The following CDK19 variants were observed in gnomAD, a reference collection of about 807,000 sequenced individuals.
CDK19 encodes cyclin-dependent kinase 19.
Under a neutral mutation model 68.3 loss-of-function variants are expected in CDK19, and 20 were observed. The ratio of observed to expected loss-of-function variants is 0.29; its 90% CI spans 0.21 to 0.43. The LOEUF is 0.43. CDK19 is among the 20% of genes least tolerant of loss of function. CDK19 has a pLI of 1.00. For synonymous variants in CDK19, 221 were observed against 222.8 expected (o/e 0.99, Z 0.07); for missense variants, 339 against 623.5 (o/e 0.54, Z 4.86).
intron 2 of CDK19, among the ~76,000 whole-genome samples, chr6:110,734,025 TTTTG>T (rs1373134014): frequency 8.5e-5 from 13 of 152,210 alleles, no homozygotes; most frequent in African/African-American, 3.1e-4. Context: ...GTTTTTTTGT[TTTTG>T]TTTGTTTTTT....
At chr6:110,662,156 G>A (rs538886858) in intron 4 of CDK19, among the ~76,000 whole-genome samples, 1 of 152,194 alleles carries the variant, frequency 6.6e-6, no homozygotes, top group South Asian at 2.1e-4. Context: ...TTTTAGTAGA[G>A]ATAGGGTTTC....
intron 4 of CDK19, among the ~76,000 whole-genome samples, chr6:110,659,963 A>C (rs1315302380): frequency 6.6e-6 from 1 of 152,214 alleles, no homozygotes. Flanking sequence ...CACTAAATAA[A>C]AAATGACAAT....
intron 2 of CDK19, among the ~76,000 whole-genome samples, chr6:110,682,766 A>G (rs1254540435): frequency 2.0e-5 from 3 of 152,226 alleles, no homozygotes; most frequent in Non-Finnish European, 4.4e-5. Context: ...TACTAGCAGC[A>G]GTTAAGACAT....
intron 2 of CDK19, among the ~76,000 whole-genome samples, chr6:110,744,503 G>T (rs1583005958): frequency 6.6e-6 from 1 of 152,190 alleles, no homozygotes; most frequent in Non-Finnish European, 1.5e-5. Flanking sequence ...CTGCACTCCA[G>T]CCTGGGTGGC....
intron 4 of CDK19, among the ~76,000 whole-genome samples, chr6:110,641,948 C>T (rs1299039841): frequency 6.6e-6 from 1 of 152,156 alleles, no homozygotes; most frequent in Non-Finnish European, 1.5e-5. Flanking sequence ...GTGACAAGAG[C>T]AGTGAATGTT....
rs369106433 is a variant in CDK19, at chr6:110,799,144, TAAAAAA to T, written c.128+15859_128+15864del. On this transcript the variant is annotated intron_variant, in intron 1 of 12. Transcript: ENST00000368911. ...GGTGTTAAGAGTAAAACCCTGTATTTAAAAAAAAAAAAAAAAAAAAAAAAAATTCCT... is the reference window on the plus strand; with the variant it reads ...GGTGTTAAGAGTAAAACCCTGTATTTAAAAAAAAAAAAAAAAAAAATTCCT... Among the ~76,000 whole-genome samples, 251 of 49,136 alleles carry T rather than the reference TAAAAAA, an allele frequency of 5.1e-3. 3 individuals are homozygous for T. Among genetic ancestry groups the T allele is most frequent in the Non-Finnish European group, 5.8e-3 (170 of 29,420 alleles). 32.2% of individuals were successfully genotyped at this position (49,136 alleles called of 152,430 possible).
At chr6:110,783,546 G>A (rs1387918493) in intron 1 of CDK19, among the ~76,000 whole-genome samples, 2 of 151,502 alleles carry the variant, frequency 1.3e-5, no homozygotes, top group East Asian at 3.9e-4. Flanking sequence ...GCTGAGGCAG[G>A]AGAATCGCAT....
chr6:110,751,547 T>C (rs1300502535), intron 1 of CDK19, among the ~76,000 whole-genome samples: 1 of 152,078 alleles, frequency 6.6e-6, no homozygotes, highest in East Asian at 1.9e-4. Flanking sequence ...TACAGTGTAA[T>C]AATAACACAA....
At chr6:110,620,107 G>A (rs1174056071) in intron 12 of CDK19, among the ~76,000 whole-genome samples, 2 of 151,990 alleles carry the variant, frequency 1.3e-5, no homozygotes, top group Non-Finnish European at 2.9e-5. Flanking sequence ...GGAACCAAGT[G>A]GAAGTATTAT....
chr6:110,672,470 G>A (rs1335252477), intron 2 of CDK19, among the ~76,000 whole-genome samples: 1 of 152,064 alleles, frequency 6.6e-6, no homozygotes, highest in African/African-American at 2.4e-5. Flanking sequence ...TTTAAGTCCT[G>A]TGTTAAAAAA....
intron 6 of CDK19, among the ~76,000 whole-genome samples, chr6:110,630,262 T>C (rs1363359921): frequency 6.6e-6 from 1 of 152,222 alleles, no homozygotes; most frequent in Non-Finnish European, 1.5e-5. Flanking sequence ...ACTGTCCTAG[T>C]GTTTGGATTA....
intron 1 of CDK19, among the ~76,000 whole-genome samples, chr6:110,759,566 G>A (rs964584687): frequency 6.7e-6 from 1 of 150,354 alleles, no homozygotes; most frequent in African/African-American, 2.4e-5. Context: ...TCGCACCATT[G>A]CACTCTAGCC....
intron 4 of CDK19, among the ~76,000 whole-genome samples, chr6:110,642,410 A>G (rs955270861): frequency 1.3e-5 from 2 of 152,146 alleles, no homozygotes; most frequent in South Asian, 4.1e-4. Context: ...ATCACAAACT[A>G]AGTAACAGGC....
chr6:110,728,713 C>A (rs1306487341), intron 2 of CDK19, among the ~76,000 whole-genome samples: 1 of 152,194 alleles, frequency 6.6e-6, no homozygotes, highest in Non-Finnish European at 1.5e-5. Context: ...CTCATCACTT[C>A]AGGCACACCA....
chr6:110,799,601 C>CT (rs1782205042), intron 1 of CDK19, among the ~76,000 whole-genome samples: 1 of 150,888 alleles, frequency 6.6e-6, no homozygotes, highest in South Asian at 2.1e-4. Flanking sequence ...GGAGTTTTTT[C>CT]TAATTTTTTT....
intron 4 of CDK19, among the ~76,000 whole-genome samples, chr6:110,655,752 T>G (rs758726948): frequency 2.0e-5 from 3 of 152,140 alleles, no homozygotes; most frequent in Non-Finnish European, 4.4e-5. Flanking sequence ...CCAGCTGACT[T>G]CAACCACCTG....
At chr6:110,766,771 A>T (rs1314575988) in intron 1 of CDK19, among the ~76,000 whole-genome samples, 1 of 151,990 alleles carries the variant, frequency 6.6e-6, no homozygotes, top group Non-Finnish European at 1.5e-5. Context: ...AGGCTAAGGC[A>T]GGAAGACTGC....
At chr6:110,750,394 G>C (rs556970698) in intron 1 of CDK19, among the ~76,000 whole-genome samples, 1 of 152,118 alleles carries the variant, frequency 6.6e-6, no homozygotes, top group Non-Finnish European at 1.5e-5. Context: ...TCATGACAGA[G>C]GGGTAATAAG....
rs1159924059 is a variant in CDK19, at chr6:110,633,200, CAG to C, written c.515-1041_515-1040del. On this transcript the variant is annotated intron_variant, in intron 5 of 12. Coordinates refer to ENST00000368911, the MANE Select transcript of CDK19 (RefSeq NM_015076.5). ...TGCCACTGCACTCCAGCCTGGGTGA[CAG>C]AGCAAGACTCTGTCTCAAAACAAAC... Among the ~76,000 whole-genome samples the C allele has an allele frequency of 2.0e-5, 3 of 152,190 alleles. No homozygotes were observed. In the East Asian group the frequency reaches 5.8e-4, roughly 29 times the overall value.
Sources: gnomAD v4.1 joint callset for allele counts (sites outside exome capture counted in the v4.1 genomes callset) on GRCh38, gnomAD v4.1.1 for gene constraint, MANE v1.5 for transcripts, NCBI Gene and HGNC (gene_info 2026-07-23, HGNC 2026-07-21) for gene names.